Variants in NAPA observed in about 807,000 individuals in gnomAD.
NAPA encodes alpha-soluble NSF attachment protein.
In NAPA, 18 loss-of-function variants were observed where a neutral mutation model predicts 48.0. The ratio of observed to expected loss-of-function variants is 0.38; its 90% CI spans 0.26 to 0.56. The LOEUF is 0.56. Ranked by LOEUF, NAPA falls within the 20% of genes least tolerant of loss-of-function variation. The pLI is 0.77. For synonymous variants in NAPA, 152 were observed against 149.9 expected, an observed-to-expected ratio of 1.01 and a Z score of -0.10; for missense variants, 315 against 385.0, an observed-to-expected ratio of 0.82 and a Z score of 1.52.
chr19:47,500,792 C>T (rs1198783662), intron 2 of NAPA, 43 bp from the exon 3 acceptor site: 2 of 1,462,312 alleles, frequency 1.4e-6, no homozygotes, highest in Non-Finnish European at 1.9e-6. Context: ...AGTGGGGCTC[C>T]ACACTTTATG....
Position 47,498,012 on chromosome 19 carries a change from C to G in NAPA, c.296-2416G>C, listed in dbSNP as rs2056691. Among the ~76,000 whole-genome samples, 589 of 152,320 alleles carry G rather than the reference C, an allele frequency of 3.9e-3. 5 individuals carry two copies. The highest frequency in any genetic ancestry group is 0.014 in the African/African-American group (567 of 41,566). Reference sequence around the variant, plus strand: ...AGCCATGGTTGGGTAACTGAGGAACCAATAACACATATGAGCATCACCCTT... The same window carrying G: ...AGCCATGGTTGGGTAACTGAGGAACGAATAACACATATGAGCATCACCCTT... On this transcript the variant is annotated intron_variant, in intron 3 of 10. Transcript: ENST00000263354.
At chr19:47,509,644 A>T (rs1968768693) in intron 1 of NAPA, among the ~76,000 whole-genome samples, 1 of 152,220 alleles carries the variant, frequency 6.6e-6, no homozygotes, top group Non-Finnish European at 1.5e-5. Context: ...CATGGGCTTC[A>T]TCTCCATCCC....
chr19:47,495,832 T>G, intron 3 of NAPA: 1 of 549,854 alleles, frequency 1.8e-6, no homozygotes, highest in Non-Finnish European at 3.3e-6. Flanking sequence ...GCTGGGCACA[T>G]GCTTCTGGGG....
intron 10 of NAPA, chr19:47,489,217 C>G (rs185717672): frequency 6.1e-6 from 1 of 163,190 alleles, no homozygotes; most frequent in Non-Finnish European, 1.4e-5. Context: ...CCACTAAGCC[C>G]GGGAATGCTG....
Position 47,514,787 on chromosome 19 carries a change from T to C in NAPA, c.98+56A>G, listed in dbSNP as rs906464514. 1.3e-4 allele frequency: 205 copies of C among 1,545,922 alleles called. 4 individuals are homozygous for C. In the South Asian group the frequency reaches 2.2e-3, roughly 17 times the overall value. On this transcript the variant is annotated intron_variant, in intron 1 of 10. Transcript: ENST00000263354. ...TGCCCTAACCCGCCACCTCCGAGCG[T>C]GACTCCTTCGTCCTCTCAGCCTAGG...
downstream of NAPA, among the ~76,000 whole-genome samples, chr19:47,485,706 C>G (rs1390205644): frequency 6.6e-6 from 1 of 152,168 alleles, no homozygotes; most frequent in Non-Finnish European, 1.5e-5. Context: ...ATGGAAAGTT[C>G]TCAAAGGCAG....
chr19:47,503,340 C>T, intron 2 of NAPA, 83 bp downstream of exon 2: 1 of 1,325,214 alleles, frequency 7.5e-7, no homozygotes, highest in Non-Finnish European at 1.1e-6. Context: ...GCCCTCAAGG[C>T]CAACCTCTCG....
At chr19:47,499,359 C>T (rs1252439343) in intron 3 of NAPA, among the ~76,000 whole-genome samples, 2 of 152,242 alleles carry the variant, frequency 1.3e-5, no homozygotes, top group East Asian at 1.9e-4. Flanking sequence ...ACCTCTAGGC[C>T]AACCAGTTTC....
In NAPA at chr19:47,503,466, G is replaced by A. The variant is rs1382682357; in HGVS notation, c.135C>T (p.Tyr45=). The change falls in exon 2 of 11, where the codon TAC becomes TAT. Residue 45 remains tyrosine (Y), a synonymous_variant. Transcript: ENST00000263354. The part of the protein sequence containing the change: ...SSKIEEACEI[Y]ARAANMFKMA... ...TTTTGAACATGTTTGCTGCTCTGGC[G>A]TAGATTTCGCATGCTTCCTCTATTT... is the stretch of plus-strand genomic sequence containing the variant. 7 of 1,614,124 alleles carry A rather than the reference G, an allele frequency of 4.3e-6. No homozygotes were observed. Among genetic ancestry groups the A allele is most frequent in the Non-Finnish European group, 5.9e-6 (7 of 1,180,042 alleles).
chr19:47,492,526 G>A (rs144400406), intron 7 of NAPA: 24 of 381,422 alleles, frequency 6.3e-5, no homozygotes, highest in Non-Finnish European at 7.5e-5. Context: ...CCTTTTTCTC[G>A]GCCATCACCC....
chr19:47,509,238 G>C (rs1007478316), intron 1 of NAPA, among the ~76,000 whole-genome samples: 1 of 150,852 alleles, frequency 6.6e-6, no homozygotes, highest in African/African-American at 2.5e-5. Context: ...TACGCTCAAA[G>C]GGGTGCCTGC....
intron 1 of NAPA, among the ~76,000 whole-genome samples, chr19:47,504,636 AATATATAC>A (rs933526682): frequency 3.3e-5 from 5 of 151,936 alleles, no homozygotes; most frequent in African/African-American, 1.2e-4. Context: ...CGAGAAAAAA[AATATATAC>A]ATATATACAC....
chr19:47,489,619 G>A, intron 10 of NAPA, 92 bp downstream of exon 10: 1 of 1,404,340 alleles, frequency 7.1e-7, no homozygotes, highest in Non-Finnish European at 1.0e-6. Context: ...GATGAAATGG[G>A]TGAATGTCAT....
chr19:47,514,785 C>T, intron 1 of NAPA, 58 bp downstream of exon 1: 2 of 1,534,130 alleles, frequency 1.3e-6, no homozygotes, highest in Admixed American at 1.8e-5. Context: ...CACCTCCGAG[C>T]GTGACTCCTT....
At position 47,488,175 on chromosome 19, in the gene NAPA, G is replaced by T. The variant is rs886459849; in HGVS notation, c.*113C>A. The T allele has an allele frequency of 5.0e-6, 5 of 1,000,696 alleles. No homozygotes were observed. The highest frequency in any genetic ancestry group is 2.1e-5 in the Admixed American group (1 of 47,480). The allele number at this position is 1,000,696 out of a possible 1,614,324, so 62.0% of individuals were successfully genotyped here. A position where few individuals can be genotyped will look rare whatever the true frequency, so the allele number is the denominator to read the frequency against. ...ACCCCCGGTGCCACCTGCCCACTGTGGCCCGCGGCACTCCCCAGATGGGAA... is the reference window on the plus strand; with the variant it reads ...ACCCCCGGTGCCACCTGCCCACTGTTGCCCGCGGCACTCCCCAGATGGGAA... On this transcript the variant is annotated 3_prime_UTR_variant, in exon 11 of 11. Transcript: ENST00000263354.
Position 47,489,778 on chromosome 19 carries a change from G to A in NAPA, c.736-17C>T, listed in dbSNP as rs757461878. 3.1e-6 allele frequency: 5 copies of A among 1,613,924 alleles called. No individual in the cohort carries two copies. The South Asian group carries it at 3.3e-5, about 11-fold the overall frequency. On this transcript the variant is annotated splice_polypyrimidine_tract_variant and intron_variant, in intron 9 of 10. Coordinates refer to ENST00000263354, the MANE Select transcript of NAPA (RefSeq NM_003827.4). ...TAGCAATTTCTGCAAGCAAATGGCA[G>A]AGAGGGGTCAGGGGCCTATGCTGAC...
intron 3 of NAPA, chr19:47,496,466 G>A (rs1402589487): frequency 6.5e-6 from 1 of 152,748 alleles, no homozygotes; most frequent in African/African-American, 2.4e-5. Context: ...CTCTCAGGGG[G>A]TATTTTTTAA....
chr19:47,492,448 AGCG>A, intron 7 of NAPA: 1 of 417,404 alleles, frequency 2.4e-6, no homozygotes, highest in Non-Finnish European at 4.5e-6. Context: ...CGGTGGGCAG[AGCG>A]GCGGCAGGCG....
At chr19:47,501,882 CAGA>C (rs373201654) in intron 2 of NAPA, among the ~76,000 whole-genome samples, 29 of 152,280 alleles carry the variant, frequency 1.9e-4, no homozygotes, top group African/African-American at 6.5e-4. Flanking sequence ...TTTTGAGCAG[CAGA>C]AAAGACAAAG....
Sources: gnomAD v4.1 joint callset for allele counts (sites outside exome capture counted in the v4.1 genomes callset) on GRCh38, gnomAD v4.1.1 for gene constraint, MANE v1.5 for transcripts, NCBI Gene and HGNC (gene_info 2026-07-23, HGNC 2026-07-21) for gene names.